PFKFB3: variants seen among roughly 807,000 people sequenced by gnomAD.
The protein encoded by PFKFB3 is 6-phosphofructo-2-kinase/fructose-2,6-biphosphatase 3.
A neutral mutation model predicts 68.0 loss-of-function variants in PFKFB3; 33 were observed. The observed-to-expected ratio is 0.49, with a 90% CI of 0.37 to 0.65. PFKFB3 has a LOEUF of 0.65. Ranked by LOEUF, PFKFB3 falls within the 30% of genes least tolerant of loss-of-function variation. PFKFB3 has a pLI of 0.00. For missense variants in PFKFB3, 586 were observed against 712.2 expected, an observed-to-expected ratio of 0.82 and a Z score of 2.02; for synonymous variants, 315 against 288.2, an observed-to-expected ratio of 1.09 and a Z score of -0.94.
intron 13 of PFKFB3, 73 bp from the exon 14 acceptor site, chr10:6,226,119 C>CT (rs1318552016): frequency 1.4e-6 from 2 of 1,394,610 alleles, no homozygotes; most frequent in Non-Finnish European, 1.9e-6. Flanking sequence ...AGCAGAGAAA[C>CT]TTTTTTGGGG....
intron 14 of PFKFB3, among the ~76,000 whole-genome samples, chr10:6,251,723 C>A (rs985934158): frequency 6.6e-6 from 1 of 152,186 alleles, no homozygotes; most frequent in Non-Finnish European, 1.5e-5. Context: ...GTAATCCCAG[C>A]ATTTTGGGAG....
chr10:6,308,722 T>C, the PFKFB3 span, among the ~76,000 whole-genome samples: 1 of 152,226 alleles, frequency 6.6e-6, no homozygotes, highest in Non-Finnish European at 1.5e-5. Context: ...GTTAATCTGT[T>C]ACACCCATGA....
In PFKFB3 at chr10:6,215,312, C is replaced by T; in HGVS notation, c.294C>T (p.Val98=). 1.9e-6 allele frequency: 3 copies of T among 1,613,436 alleles called. No homozygotes were observed. The highest frequency in any genetic ancestry group is 2.5e-6 in the Non-Finnish European group (3 of 1,179,632). ...CCGACAATGAGGAAGCCATGAAAGTCCGGAAGTAAGGCTGGGCCGCGGGCG... is the reference window on the plus strand; with the variant it reads ...CCGACAATGAGGAAGCCATGAAAGTTCGGAAGTAAGGCTGGGCCGCGGGCG... The part of the protein sequence containing the change: ...FRPDNEEAMK[V]RKQCALAALR... Residue 98 remains valine, a synonymous_variant, in exon 3 of 15, where the codon GTC becomes GTT. Coordinates refer to ENST00000379775, the MANE Select transcript of PFKFB3 (RefSeq NM_004566.4). This position sits in a 1 kb window ranked among gnomAD's most constrained non-coding sequence, Gnocchi z 4.3.
At chr10:6,289,987 A>G in the PFKFB3 span, among the ~76,000 whole-genome samples, 1 of 152,198 alleles carries the variant, frequency 6.6e-6, no homozygotes, top group Non-Finnish European at 1.5e-5. Context: ...GAGTTCACTC[A>G]TGATTTGGCT....
At chr10:6,176,891 C>T (rs1842489285) in intron 1 of PFKFB3, among the ~76,000 whole-genome samples, 1 of 152,172 alleles carries the variant, frequency 6.6e-6, no homozygotes, top group Non-Finnish European at 1.5e-5. Flanking sequence ...CAAGCCCTTA[C>T]CTGCAATCTG....
At chr10:6,164,796 A>G (rs116856923) in intron 1 of PFKFB3, among the ~76,000 whole-genome samples, 1,645 of 152,254 alleles carry the variant, frequency 0.011, 67 homozygotes, top group East Asian at 0.099. Context: ...ACATAGGCTA[A>G]GTTTATGTTT....
the PFKFB3 span, chr10:6,277,730 C>T: frequency 4.8e-6 from 2 of 418,574 alleles, no homozygotes; most frequent in South Asian, 1.7e-5. Flanking sequence ...GAGCAGATGC[C>T]AGCACCACGC....
upstream of PFKFB3, among the ~76,000 whole-genome samples, chr10:6,198,847 T>A (rs1035377629): frequency 3.3e-5 from 5 of 152,262 alleles, no homozygotes; most frequent in East Asian, 9.6e-4. Context: ...TTCCATTGTT[T>A]GGATGTTCCA....
At chr10:6,285,324 C>T in the PFKFB3 span, among the ~76,000 whole-genome samples, 1 of 151,544 alleles carries the variant, frequency 6.6e-6, no homozygotes, top group South Asian at 2.1e-4. Flanking sequence ...ACTTCTGCCT[C>T]CTAGATTCAA....
the PFKFB3 span, among the ~76,000 whole-genome samples, chr10:6,321,410 A>G: frequency 6.6e-6 from 1 of 152,076 alleles, no homozygotes; most frequent in African/African-American, 2.4e-5. Context: ...CAATCAAACA[A>G]AAAAGAAATA....
chr10:6,189,640 G>A (rs773477280), intron 1 of PFKFB3, among the ~76,000 whole-genome samples: 32 of 151,262 alleles, frequency 2.1e-4, no homozygotes, highest in Non-Finnish European at 3.7e-4. Flanking sequence ...TCAGCCTCCC[G>A]AGTAGCTGGG....
At chr10:6,323,171 C>G in the PFKFB3 span, among the ~76,000 whole-genome samples, 1 of 152,174 alleles carries the variant, frequency 6.6e-6, no homozygotes, top group Non-Finnish European at 1.5e-5. Context: ...GTATCTATAT[C>G]CATAGATATA....
intron 14 of PFKFB3, 90 bp from the exon 15 acceptor site, chr10:6,232,805 C>A: frequency 1.0e-6 from 1 of 1,002,074 alleles, no homozygotes; most frequent in Non-Finnish European, 1.6e-6. Context: ...GGGAAGAATT[C>A]TCCGTTGCAT....
downstream of PFKFB3, among the ~76,000 whole-genome samples, chr10:6,238,310 G>A (rs921380717): frequency 6.6e-6 from 1 of 151,826 alleles, no homozygotes; most frequent in Non-Finnish European, 1.5e-5. Flanking sequence ...GATTACAGGT[G>A]CATGCCACTA....
intron 14 of PFKFB3, 32 bp from the exon 15 acceptor site, chr10:6,232,863 C>T (rs1282411734): frequency 3.8e-6 from 6 of 1,592,756 alleles, no homozygotes; most frequent in Non-Finnish European, 5.2e-6. Context: ...AATCCTAACT[C>T]CCTCCCCACC....
At chr10:6,307,914 G>A in the PFKFB3 span, among the ~76,000 whole-genome samples, 1 of 152,174 alleles carries the variant, frequency 6.6e-6, no homozygotes, top group African/African-American at 2.4e-5. Context: ...GAATGGGTTA[G>A]TTGTCATGGG....
chr10:6,219,416 C>A, intron 6 of PFKFB3, 153 bp from the exon 7 acceptor site: 1 of 749,928 alleles, frequency 1.3e-6, no homozygotes, highest in Non-Finnish European at 2.2e-6. Flanking sequence ...ACTCAGCCCC[C>A]AGCATCTTTC....
chr10:6,231,904 G>A (rs1332199861), intron 14 of PFKFB3, among the ~76,000 whole-genome samples: 9 of 151,788 alleles, frequency 5.9e-5, no homozygotes, highest in Non-Finnish European at 1.2e-4. Context: ...ATCACCTCCC[G>A]GTGGGCACCC....
chr10:6,220,297 C>T lies in PFKFB3; in HGVS notation c.624-361C>T, dbSNP rs1844863221. On this transcript the variant is annotated intron_variant, in intron 7 of 14. Coordinates refer to ENST00000379775, the MANE Select transcript of PFKFB3 (RefSeq NM_004566.4). This position sits in a 1 kb window ranked among gnomAD's most constrained non-coding sequence, Gnocchi z 4.1. ...TTTTTTTCTTTAGTAGAGATGAGGT[C>T]TTGCTATGTTGCCCAGGCTGGTCTT... 6.6e-6 allele frequency among the ~76,000 whole-genome samples: 1 copy of T among 151,928 alleles called. No individual in the cohort carries two copies. The highest frequency in any genetic ancestry group is 2.4e-5 in the African/African-American group (1 of 41,336).
Sources: allele counts gnomAD v4.1 joint callset (sites outside exome capture counted in the v4.1 genomes callset), GRCh38; gene constraint gnomAD v4.1.1; non-coding constraint Gnocchi (gnomAD v3.1); transcripts MANE v1.5; gene names NCBI Gene and HGNC (gene_info 2026-07-23, HGNC 2026-07-21).